SYBU: variants seen among roughly 807,000 people sequenced by gnomAD.
SYBU encodes GOLSYN A protein.
SYBU carries 21 observed loss-of-function variants against 35.9 expected under a neutral mutation model. That is an observed-to-expected ratio of 0.58 (90% CI 0.41 to 0.84). The LOEUF (loss-of-function observed/expected upper bound fraction) is 0.84, where lower values mean the gene tolerates loss of function less well. SYBU is among the 40% of genes least tolerant of loss of function. The pLI, the probability that SYBU is intolerant of heterozygous loss-of-function variation, is 0.00. For synonymous variants in SYBU, 319 were observed against 324.3 expected (o/e 0.98, Z 0.18); for missense variants, 768 against 848.2 (o/e 0.91, Z 1.17).
chr8:109,611,317 A>G (rs947825523), intron 3 of SYBU, among the ~76,000 whole-genome samples: 1 of 152,202 alleles, frequency 6.6e-6, no homozygotes, highest in African/African-American at 2.4e-5. Flanking sequence ...AGAGGATTAT[A>G]ATTCACTAAT....
chr8:109,580,178 T>A, intron 4 of SYBU, 176 bp from the exon 5 acceptor site: 1 of 599,410 alleles, frequency 1.7e-6, no homozygotes, highest in Non-Finnish European at 3.0e-6. Flanking sequence ...GTATTTTCTC[T>A]CCTTGTGACA....
At chr8:109,583,954 A>AC (rs1823328678) in intron 4 of SYBU, among the ~76,000 whole-genome samples, 1 of 150,030 alleles carries the variant, frequency 6.7e-6, no homozygotes, top group Non-Finnish European at 1.5e-5. Context: ...GATAACAGGC[A>AC]CCCACCTACA....
chr8:109,617,742 C>A (rs1235004575), intron 3 of SYBU, among the ~76,000 whole-genome samples: 2 of 152,110 alleles, frequency 1.3e-5, no homozygotes, highest in African/African-American at 4.8e-5. Flanking sequence ...TTAACGAATT[C>A]ATTATGACTA....
chr8:109,597,784 A>C (rs1825061467), intron 3 of SYBU, among the ~76,000 whole-genome samples: 1 of 152,162 alleles, frequency 6.6e-6, no homozygotes. Context: ...GCAAAGTAAA[A>C]ATTTCTATCT....
chr8:109,576,066 A>T (rs1357403851), intron 6 of SYBU, 53 bp from the exon 7 acceptor site: 2 of 1,426,908 alleles, frequency 1.4e-6, no homozygotes, highest in Non-Finnish European at 1.8e-6. Flanking sequence ...AAAAAAAAAA[A>T]AAAACTTTCA....
chr8:109,586,226 TCCCTGCCTTCCAGGTC>T, intron 3 of SYBU, 64 bp from the exon 4 acceptor site: 1 of 1,213,712 alleles, frequency 8.2e-7, no homozygotes, highest in Admixed American at 2.0e-5. Context: ...ATTGGCCAGT[TCCCTGCCTTCCAGGTC>T]CCTGCTCCCT....
chr8:109,688,138 T>C (rs1231305515), intron 1 of SYBU, among the ~76,000 whole-genome samples: 1 of 152,188 alleles, frequency 6.6e-6, no homozygotes, highest in Non-Finnish European at 1.5e-5. Flanking sequence ...AGCTATAATA[T>C]ATATTTATTT....
rs111305422 is a variant in SYBU at position 109,584,932 on chromosome 8, C to T, written c.530+1128G>A. Among the ~76,000 whole-genome samples the T allele has an allele frequency of 6.6e-6, 1 of 152,130 alleles. No individual in the cohort carries two copies. On this transcript the variant is annotated intron_variant, in intron 4 of 6. Coordinates refer to ENST00000276646, the MANE Select transcript of SYBU (RefSeq NM_001099754.2). This position sits in a 1 kb window ranked among gnomAD's most constrained non-coding sequence, Gnocchi z 4.0. ...CAAAGTCAGAAGCCAGGTCCCCTCA[C>T]GTTCTGTGGCTCCCTCCATAGCTTT...
At chr8:109,651,891 G>T (rs1816156754) in intron 1 of SYBU, among the ~76,000 whole-genome samples, 1 of 152,128 alleles carries the variant, frequency 6.6e-6, no homozygotes, top group Non-Finnish European at 1.5e-5. Context: ...TATAAAGGAG[G>T]ACACTGAATT....
At chr8:109,681,290 C>A (rs926075692), upstream of SYBU, among the ~76,000 whole-genome samples, 3 of 151,898 alleles carry the variant, frequency 2.0e-5, no homozygotes, top group Non-Finnish European at 4.4e-5. Context: ...GAAAGAAATA[C>A]CTTAGGGGAG....
intron 3 of SYBU, among the ~76,000 whole-genome samples, chr8:109,606,838 A>G (rs374209185): frequency 2.8e-4 from 43 of 152,332 alleles, no homozygotes; most frequent in Middle Eastern, 3.4e-3. Flanking sequence ...ACATAAAAAC[A>G]GTGTGCCCTT....
chr8:109,674,848 C>T (rs1817125206), intron 1 of SYBU, among the ~76,000 whole-genome samples: 6 of 152,198 alleles, frequency 3.9e-5, no homozygotes, highest in Admixed American at 3.9e-4. Context: ...ACATTCTTCT[C>T]AGCACCATAT....
chr8:109,577,192 C>A (rs1026091406), intron 6 of SYBU, among the ~76,000 whole-genome samples: 7 of 152,110 alleles, frequency 4.6e-5, no homozygotes, highest in African/African-American at 1.4e-4. Context: ...GTAGCCCAGA[C>A]TCTTAGAGAA....
At chr8:109,577,059 G>A (rs181351230) in intron 6 of SYBU, among the ~76,000 whole-genome samples, 49 of 152,170 alleles carry the variant, frequency 3.2e-4, no homozygotes, top group Non-Finnish European at 5.4e-4. Flanking sequence ...AGATTAATTC[G>A]GAAGATGAAA....
intron 1 of SYBU, among the ~76,000 whole-genome samples, chr8:109,673,805 C>G (rs537794002): frequency 1.2e-4 from 19 of 152,144 alleles, no homozygotes; most frequent in Non-Finnish European, 2.4e-4. Context: ...AGAGGAATTG[C>G]TAACTAGAAT....
intron 3 of SYBU, among the ~76,000 whole-genome samples, chr8:109,601,264 C>G (rs190630583): frequency 2.6e-5 from 4 of 152,268 alleles, no homozygotes; most frequent in Admixed American, 2.0e-4. Flanking sequence ...TGCTGAGACT[C>G]ACCCCAAATC....
chr8:109,644,769 C>G lies in SYBU; in HGVS notation c.-110G>C. On this transcript the variant is annotated 5_prime_UTR_variant, in exon 1 of 7. Transcript: ENST00000276646. ...CTGAGCCGGCGCGGGCTGCGGGCGGCGGCTCTTGGTGAGGCTCCAACGCGC... is the reference window on the plus strand; with the variant it reads ...CTGAGCCGGCGCGGGCTGCGGGCGGGGGCTCTTGGTGAGGCTCCAACGCGC... The G allele has an allele frequency of 8.7e-7, 1 of 1,149,644 alleles. No individual in the cohort carries two copies. Among genetic ancestry groups the G allele is most frequent in the South Asian group, 2.3e-5 (1 of 44,404 alleles). The allele number at this position is 1,149,644 out of a possible 1,614,324, so 71.2% of individuals were successfully genotyped here. A position where few individuals can be genotyped will look rare whatever the true frequency, so the allele number is the denominator to read the frequency against.
intron 5 of SYBU, 68 bp from the exon 6 acceptor site, chr8:109,578,085 C>T: frequency 1.1e-5 from 17 of 1,517,424 alleles, no homozygotes; most frequent in Non-Finnish European, 1.5e-5. Flanking sequence ...AAGAGTAACA[C>T]AGAGTGTTAT....
At chr8:109,591,506 ATTTTTT>A (rs1047402673) in intron 3 of SYBU, among the ~76,000 whole-genome samples, 4 of 100,916 alleles carry the variant, frequency 4.0e-5, no homozygotes, top group South Asian at 3.4e-4. Flanking sequence ...AAAAATGTAA[ATTTTTT>A]TTTTTTTTTT....
Sources: allele counts gnomAD v4.1 joint callset (sites outside exome capture counted in the v4.1 genomes callset), GRCh38; gene constraint gnomAD v4.1.1; non-coding constraint Gnocchi (gnomAD v3.1); transcripts MANE v1.5; gene names NCBI Gene and HGNC (gene_info 2026-07-23, HGNC 2026-07-21).